The following STON2 variants were observed in gnomAD, a reference collection of about 807,000 sequenced individuals.
STON2 encodes stonin-2.
A neutral mutation model predicts 65.7 loss-of-function variants in STON2; 29 were observed. The ratio of observed to expected loss-of-function variants is 0.44; its 90% CI spans 0.33 to 0.60. The LOEUF is 0.60. Ranked by LOEUF, STON2 falls within the 20% of genes least tolerant of loss-of-function variation. STON2 has a pLI of 0.03. For synonymous variants in STON2, 404 were observed against 414.2 expected (o/e 0.98, Z 0.30); for missense variants, 1,054 against 1,118.1 (o/e 0.94, Z 0.82).
Position 81,266,920 on chromosome 14 carries a change from AATC to A in STON2, c.*1491_*1493del, listed in dbSNP as rs1365913101. 2 of 983,746 alleles carry A rather than the reference AATC, an allele frequency of 2.0e-6. No homozygotes were observed. Among genetic ancestry groups the A allele is most frequent in the African/African-American group, 1.7e-5 (1 of 57,206 alleles). The allele number at this position is 983,746 out of a possible 1,614,324, so 60.9% of individuals were successfully genotyped here. A position where few individuals can be genotyped will look rare whatever the true frequency, so the allele number is the denominator to read the frequency against. ...TAGGGTTTCTCATTAATGCCTATTC[AATC>A]ATCATTTTACTTTCAGTCTTAGTTC... On this transcript the variant is annotated 3_prime_UTR_variant, in exon 8 of 8. Transcript: ENST00000614646.
intron 5 of STON2, among the ~76,000 whole-genome samples, chr14:81,290,951 C>G (rs59515770): frequency 6.6e-6 from 1 of 152,104 alleles, no homozygotes; most frequent in Non-Finnish European, 1.5e-5. Flanking sequence ...CAGCATACAC[C>G]TGGCACATAG....
rs545469546 is a variant in STON2 at position 81,397,089 on chromosome 14, C to T, written c.89-911G>A. Among the ~76,000 whole-genome samples, 29 of 152,124 alleles carry T rather than the reference C, an allele frequency of 1.9e-4. No individual in the cohort carries two copies. In the South Asian group the frequency reaches 5.4e-3, roughly 28 times the overall value. ...AACAACAACAACAAAAAAACTATAT[C>T]CTGATTATGGTGGTAGATACACAAA... On this transcript the variant is annotated intron_variant, in intron 2 of 7. Coordinates refer to ENST00000614646, the MANE Select transcript of STON2 (RefSeq NM_001394390.1).
At position 81,389,928 on chromosome 14, in the gene STON2, G is replaced by A. The variant is rs558322161; in HGVS notation, c.373+5966C>T. ...TTCTCAGCTGTATGAAATGAAAAAC[G>A]TAGGCCAGGCATGGTGGCTCATGCC... On this transcript the variant is annotated intron_variant, in intron 3 of 7. Transcript: ENST00000614646. 2.6e-4 allele frequency among the ~76,000 whole-genome samples: 39 copies of A among 152,174 alleles called. 1 individual carries two copies. The Middle Eastern group carries it at 0.01, about 40-fold the overall frequency.
chr14:81,320,072 G>C (rs1326277631), intron 5 of STON2, among the ~76,000 whole-genome samples: 3 of 152,166 alleles, frequency 2.0e-5, no homozygotes, highest in Non-Finnish European at 4.4e-5. Flanking sequence ...AGTGTCTGAG[G>C]TTAGCTGGCT....
intron 3 of STON2, among the ~76,000 whole-genome samples, chr14:81,390,084 CGCCGTAAT>C (rs1900006211): frequency 2.1e-5 from 2 of 96,418 alleles, no homozygotes; most frequent in Non-Finnish European, 3.7e-5. Flanking sequence ...TGATGGCACA[CGCCGTAAT>C]CCCAGCTATT....
chr14:81,387,174 TTA>T (rs1365381232), intron 3 of STON2, among the ~76,000 whole-genome samples: 22 of 140,100 alleles, frequency 1.6e-4, no homozygotes, highest in African/African-American at 5.3e-4. Context: ...TTTTTTTTTT[TTA>T]AAACATGCTG....
chr14:81,421,599 G>A (rs1389731745), intron 2 of STON2, among the ~76,000 whole-genome samples: 3 of 152,174 alleles, frequency 2.0e-5, no homozygotes, highest in East Asian at 3.8e-4. Context: ...CAAGATATGG[G>A]GATAGAATCT....
intron 5 of STON2, among the ~76,000 whole-genome samples, chr14:81,313,816 C>T (rs1255803232): frequency 0.011 from 1,115 of 104,376 alleles, 9 homozygotes; most frequent in Non-Finnish European, 0.016. Flanking sequence ...AAAATACACA[C>T]ACACACACAC....
At chr14:81,384,679 C>T (rs372429446) in intron 3 of STON2, among the ~76,000 whole-genome samples, 7 of 152,152 alleles carry the variant, frequency 4.6e-5, no homozygotes, top group African/African-American at 7.2e-5. Flanking sequence ...GAGCATAAAG[C>T]GGGAAATCAA....
chr14:81,375,233 C>G (rs57670850), intron 3 of STON2, among the ~76,000 whole-genome samples: 3 of 151,692 alleles, frequency 2.0e-5, no homozygotes, highest in South Asian at 2.1e-4. Flanking sequence ...AGAAATAAAA[C>G]TATATCAGTA....
At chr14:81,362,487 C>G (rs1898537810) in intron 4 of STON2, among the ~76,000 whole-genome samples, 1 of 152,038 alleles carries the variant, frequency 6.6e-6, no homozygotes, top group South Asian at 2.1e-4. Context: ...TAGGGAGATG[C>G]AGGGAATGGG....
chr14:81,367,476 C>A (rs370537525), intron 4 of STON2, among the ~76,000 whole-genome samples: 293 of 152,304 alleles, frequency 1.9e-3, no homozygotes, highest in African/African-American at 6.7e-3. Flanking sequence ...CATGCCTGGA[C>A]AAATGAAAGC....
intron 1 of STON2, among the ~76,000 whole-genome samples, chr14:81,432,363 T>A (rs1384701174): frequency 6.6e-6 from 1 of 152,108 alleles, no homozygotes; most frequent in African/African-American, 2.4e-5. Flanking sequence ...CCATGGACAA[T>A]CTTGGGTTCT....
intron 4 of STON2, among the ~76,000 whole-genome samples, chr14:81,353,556 C>T (rs976385114): frequency 6.6e-6 from 1 of 152,196 alleles, no homozygotes; most frequent in African/African-American, 2.4e-5. Context: ...GAGAAATAGA[C>T]TCACTTTAAC....
At chr14:81,404,411 A>T (rs1453859038), upstream of STON2, among the ~76,000 whole-genome samples, 1 of 152,238 alleles carries the variant, frequency 6.6e-6, no homozygotes, top group Non-Finnish European at 1.5e-5. Context: ...CTTAAGTAAA[A>T]CATACTGTTA....
At chr14:81,393,650 A>T (rs4089876) in intron 3 of STON2, among the ~76,000 whole-genome samples, 90,821 of 152,154 alleles carry the variant, frequency 0.6, 30,037 homozygotes, top group African/African-American at 0.88. Context: ...CATGATATGA[A>T]GTAGCTAAGG....
At chr14:81,271,116 G>T (rs913453288) in intron 6 of STON2, among the ~76,000 whole-genome samples, 1 of 152,094 alleles carries the variant, frequency 6.6e-6, no homozygotes, top group Non-Finnish European at 1.5e-5. Context: ...AAAACCCAAG[G>T]CCTGAGAAAC....
chr14:81,331,233 C>T (rs1458268028), intron 4 of STON2, among the ~76,000 whole-genome samples: 3 of 152,252 alleles, frequency 2.0e-5, no homozygotes, highest in African/African-American at 7.2e-5. Context: ...ACGACTGCCA[C>T]AGATGCTTTG....
chr14:81,365,093 G>C (rs1898661898), intron 4 of STON2, among the ~76,000 whole-genome samples: 1 of 152,184 alleles, frequency 6.6e-6, no homozygotes, highest in Non-Finnish European at 1.5e-5. Context: ...TTGCCAGATG[G>C]AGGTTGCTAG....
Sources: allele counts gnomAD v4.1 joint callset (sites outside exome capture counted in the v4.1 genomes callset), GRCh38; gene constraint gnomAD v4.1.1; transcripts MANE v1.5; gene names NCBI Gene and HGNC (gene_info 2026-07-23, HGNC 2026-07-21).